The following SPINK5 variants were observed in gnomAD, a reference collection of about 807,000 sequenced individuals.
SPINK5 encodes serine peptidase inhibitor Kazal type 5.
In SPINK5, 125 loss-of-function variants were observed where a neutral mutation model predicts 151.8. The observed-to-expected ratio is 0.82, with a 90% CI of 0.71 to 0.96. The LOEUF (loss-of-function observed/expected upper bound fraction) is 0.96. SPINK5 is among the 40% of genes least tolerant of loss of function. The probability of loss-of-function intolerance (pLI) is 0.00; values close to 1 mark genes in which losing one functional copy is unlikely to be tolerated. For missense variants in SPINK5, 1,194 were observed against 1,291.9 expected, an observed-to-expected ratio of 0.92 and a Z score of 1.16; for synonymous variants, 374 against 395.3, an observed-to-expected ratio of 0.95 and a Z score of 0.64.
intron 24 of SPINK5, 58 bp downstream of exon 24, chr5:148,119,116 A>G (rs1754183915): frequency 6.6e-7 from 1 of 1,505,042 alleles, no homozygotes; most frequent in Non-Finnish European, 9.2e-7. Context: ...GCAGTTGGCG[A>G]TCAAAACTAT....
At chr5:148,093,677 T>TG (rs1019346618) in intron 8 of SPINK5, among the ~76,000 whole-genome samples, 16 of 151,856 alleles carry the variant, frequency 1.1e-4, no homozygotes, top group Non-Finnish European at 2.2e-4. Context: ...TTTTGTGATT[T>TG]GGCTGCTGCA....
chr5:148,096,024 C>T (rs1474766297), intron 10 of SPINK5, 119 bp downstream of exon 10: 1 of 797,476 alleles, frequency 1.3e-6, no homozygotes. Flanking sequence ...TTCCACACTA[C>T]TAGTAGGTTT....
In SPINK5 at chr5:148,107,073, G is replaced by A. The variant is rs1386233135; in HGVS notation, c.1516G>A (p.Gly506Arg). The A allele has an allele frequency of 6.2e-7, 1 of 1,613,172 alleles. No individual in the cohort carries two copies. The highest frequency in any genetic ancestry group is 8.5e-7 in the Non-Finnish European group (1 of 1,179,402). ...TGAATTTCGGGACCAAGTGAGGAAT[G>A]GAACACTTATATGCACCAGGGAGCA... ...CSEFRDQVRN[G>R]TLICTREHNP... The change falls in exon 17 of 33, where the codon GGA becomes AGA. Residue 506 changes from glycine to arginine, a missense_variant. Coordinates refer to ENST00000256084, the MANE Select transcript of SPINK5 (RefSeq NM_006846.4).
intron 16 of SPINK5, 35 bp downstream of exon 16, chr5:148,105,035 A>T: frequency 6.2e-7 from 1 of 1,604,736 alleles, no homozygotes; most frequent in Non-Finnish European, 8.5e-7. Flanking sequence ...CTGTGCCCTG[A>T]CATTTTTCAT....
chr5:148,133,800 A>G lies in SPINK5; in HGVS notation c.3099A>G (p.Ile1033Met), dbSNP rs1433952868. ...NPCMLCHENL[I>M]RQTNTHIRST... ...AGCATCCTCTGATCTGTTTTAGGATACGCCAAACAAATACACACATCCGCA... is the reference window on the plus strand; with the variant it reads ...AGCATCCTCTGATCTGTTTTAGGATGCGCCAAACAAATACACACATCCGCA... The change falls in exon 32 of 33, where the codon ATA (isoleucine) becomes ATG (methionine). Residue 1033 changes from isoleucine (I) to methionine (M), a missense_variant. By Grantham distance (10) the Ile-to-Met change is conservative (BLOSUM62 1). Transcript: ENST00000256084. The G allele has an allele frequency of 6.2e-7, 1 of 1,613,884 alleles. No individual in the cohort carries two copies. Among genetic ancestry groups the G allele is most frequent in the Admixed American group, 1.7e-5 (1 of 59,982 alleles).
intron 4 of SPINK5, among the ~76,000 whole-genome samples, chr5:148,086,200 A>C (rs1354499734): frequency 6.6e-6 from 1 of 151,790 alleles, no homozygotes; most frequent in Non-Finnish European, 1.5e-5. Flanking sequence ...GTAATACTGA[A>C]ATTCTTTCTT....
intron 18 of SPINK5, among the ~76,000 whole-genome samples, 187 bp from the exon 19 acceptor site, chr5:148,111,581 A>G (rs529486740): frequency 3.3e-5 from 5 of 152,332 alleles, no homozygotes; most frequent in African/African-American, 1.2e-4. Context: ...TAATGAGATA[A>G]ATAACAGCAA....
chr5:148,079,877 A>C (rs1252451165), intron 4 of SPINK5, among the ~76,000 whole-genome samples: 1 of 151,158 alleles, frequency 6.6e-6, no homozygotes, highest in Non-Finnish European at 1.5e-5. Flanking sequence ...CACCACTCCT[A>C]TTCAACATTG....
chr5:148,119,149 A>G, intron 24 of SPINK5, 91 bp downstream of exon 24: 2 of 1,279,546 alleles, frequency 1.6e-6, no homozygotes, highest in East Asian at 4.7e-5. Flanking sequence ...CAACATGATC[A>G]AGCTAGAGCT....
rs915024776 is a variant in SPINK5 at position 148,098,752 on chromosome 5, G to A, written c.1011-482G>A. ...TTTAAAGCAAAGCTAGGGTACACAT[G>A]GTGTGATAGATAGACCATGGTCTTG... On this transcript the variant is annotated intron_variant, in intron 11 of 32. Transcript: ENST00000256084. Among the ~76,000 whole-genome samples the A allele has an allele frequency of 9.9e-5, 15 of 151,976 alleles. 1 individual carries two copies. Among genetic ancestry groups the A allele is most frequent in the African/African-American group, 3.4e-4 (14 of 41,470 alleles).
chr5:148,072,866 T>TAAAAAAAA (rs10628434), intron 4 of SPINK5, among the ~76,000 whole-genome samples: 4 of 143,916 alleles, frequency 2.8e-5, no homozygotes, highest in African/African-American at 1.0e-4. Flanking sequence ...TGTTCTCTGG[T>TAAAAAAAA]AAAAAAAAAA....
chr5:148,094,307 A>T (rs779001426), intron 8 of SPINK5, 47 bp from the exon 9 acceptor site: 1 of 1,602,512 alleles, frequency 6.2e-7, no homozygotes, highest in Non-Finnish European at 8.5e-7. Context: ...AAAATAAAAT[A>T]TCCTGAAATG....
In SPINK5 at chr5:148,095,824, G is replaced by C. The variant is rs1215650312; in HGVS notation, c.801G>C (p.Gln267His). Reference protein sequence around the residue: ...KCALCAEIFKQRFSEENSKTD... With the variant: ...KCALCAEIFKHRFSEENSKTD... ...TTTATTTTACTTTTTCCAGCAAGCA[G>C]CGTTTTTCAGAGGAAAACAGTAAAA... The change falls in exon 10 of 33, where the codon CAG (glutamine) becomes CAC (histidine). Residue 267 changes from glutamine (Q) to histidine (H), a missense_variant. Gln to His is a conservative substitution (Grantham distance 24). Transcript: ENST00000256084. The C allele has an allele frequency of 1.2e-6, 2 of 1,611,616 alleles. No homozygotes were observed. Among genetic ancestry groups the C allele is most frequent in the Non-Finnish European group, 1.7e-6 (2 of 1,178,538 alleles).
intron 24 of SPINK5, among the ~76,000 whole-genome samples, chr5:148,119,797 T>C (rs895868316): frequency 6.6e-6 from 1 of 152,234 alleles, no homozygotes; most frequent in Non-Finnish European, 1.5e-5. Flanking sequence ...TAATTCCATA[T>C]TCAACCATAA....
intron 2 of SPINK5, among the ~76,000 whole-genome samples, chr5:148,066,805 A>G (rs1752599166): frequency 6.6e-6 from 1 of 152,156 alleles, no homozygotes; most frequent in South Asian, 2.1e-4. Flanking sequence ...TTACACTGCT[A>G]TTTTTCATAG....
Position 148,120,095 on chromosome 5 carries a change from C to T in SPINK5, c.2400C>T (p.Gly800=). 1 of 1,614,036 alleles carries T rather than the reference C, an allele frequency of 6.2e-7. No homozygotes were observed. The highest frequency in any genetic ancestry group is 8.5e-7 in the Non-Finnish European group (1 of 1,179,954). ...RESDPVRGPD[G]KTHGNKCTMC... ...GTGACCCTGTCCGGGGTCCAGATGG[C>T]AAGACACATGGCAATAAGTGTACTA... The change falls in exon 25 of 33, where the codon GGC becomes GGT. Residue 800 remains glycine, a synonymous_variant. Coordinates refer to ENST00000256084, the MANE Select transcript of SPINK5 (RefSeq NM_006846.4).
chr5:148,098,033 T>C, intron 11 of SPINK5, 39 bp downstream of exon 11: 1 of 1,591,610 alleles, frequency 6.3e-7, no homozygotes, highest in Non-Finnish European at 8.6e-7. Context: ...AAAGAAGGGA[T>C]CTTGCAGGTA....
At chr5:148,071,435 A>C (rs1752735013) in intron 3 of SPINK5, among the ~76,000 whole-genome samples, 1 of 152,092 alleles carries the variant, frequency 6.6e-6, no homozygotes, top group Non-Finnish European at 1.5e-5. Flanking sequence ...GGGCAGGTTG[A>C]ATAATTCTTT....
chr5:148,086,864 T>C (rs1166734815), intron 5 of SPINK5, among the ~76,000 whole-genome samples: 1 of 149,834 alleles, frequency 6.7e-6, no homozygotes, highest in African/African-American at 2.4e-5. Context: ...ATAGCTTTAA[T>C]ATAATAAAAC....
Sources: allele counts gnomAD v4.1 joint callset (sites outside exome capture counted in the v4.1 genomes callset), GRCh38; gene constraint gnomAD v4.1.1; transcripts MANE v1.5; gene names NCBI Gene and HGNC (gene_info 2026-07-23, HGNC 2026-07-21).